Variants in ZNF195 observed in about 807,000 individuals in gnomAD.
The protein encoded by ZNF195 is hypoxia-regulated factor-1.
Under a neutral mutation model 19.5 loss-of-function variants are expected in ZNF195, and 11 were observed. That is an observed-to-expected ratio of 0.57 (90% CI 0.36 to 0.94). The LOEUF is 0.94. ZNF195 is among the 40% of genes least tolerant of loss of function. The pLI is 0.01. For synonymous variants in ZNF195, 214 were observed against 248.1 expected (o/e 0.86, Z 1.29); for missense variants, 582 against 709.0 (o/e 0.82, Z 2.03).
intron 4 of ZNF195, among the ~76,000 whole-genome samples, chr11:3,361,066 C>T (rs1361811398): frequency 6.6e-6 from 1 of 152,174 alleles, no homozygotes; most frequent in Non-Finnish European, 1.5e-5. Context: ...ATACCCATGA[C>T]AGCGGTAGGA....
At chr11:3,378,994 TC>T in intron 1 of ZNF195, 43 bp downstream of exon 1, 1 of 1,384,640 alleles carries the variant, frequency 7.2e-7, no homozygotes. Context: ...CGGGTTCCAG[TC>T]CGCCCCTCCC....
chr11:3,363,539 G>A (rs1006207933), intron 3 of ZNF195: 1 of 152,176 alleles, frequency 6.6e-6, no homozygotes, highest in African/African-American at 2.4e-5. Flanking sequence ...ACACATTTGA[G>A]CATGCTCTTG....
intron 5 of ZNF195, 70 bp from the exon 6 acceptor site, chr11:3,360,635 A>G: frequency 6.4e-7 from 1 of 1,553,650 alleles, no homozygotes; most frequent in Non-Finnish European, 8.7e-7. Flanking sequence ...TCTAATCTAT[A>G]AAATAATACT....
At chr11:3,371,192 T>G (rs1849191856) in intron 2 of ZNF195, 122 bp from the exon 3 acceptor site, 3 of 904,180 alleles carry the variant, frequency 3.3e-6, no homozygotes, top group Non-Finnish European at 4.9e-6. Flanking sequence ...AAATTATGCT[T>G]CCTGACATCA....
In ZNF195 at chr11:3,371,581, G is replaced by A. The variant is rs72848292; in HGVS notation, c.126C>T (p.Ser42=). 0.028 allele frequency: 45,874 copies of A among 1,613,982 alleles called. 845 individuals carry two copies. The highest frequency in any genetic ancestry group is 0.034 in the Non-Finnish European group (39,606 of 1,179,902). ...ACGTATTGAAGTTATCCTCACCAAC[G>A]GAGAACAAGTTTCTGTAGTTCTCCA... is the stretch of plus-strand genomic sequence containing the variant. The part of the protein sequence containing the change: ...VMLENYRNLF[S]VGLTVCKPGL... Residue 42 remains serine, a synonymous_variant, in exon 2 of 6, where the codon TCC becomes TCT. Coordinates refer to ENST00000399602, the MANE Select transcript of ZNF195 (RefSeq NM_001130520.3).
chr11:3,368,855 C>A, intron 3 of ZNF195: 1 of 455,596 alleles, frequency 2.2e-6, no homozygotes, highest in South Asian at 1.6e-5. Flanking sequence ...AACACTTGGT[C>A]CTGGAGAAAC....
chr11:3,373,641 T>G, intron 1 of ZNF195: 1 of 1,548,592 alleles, frequency 6.5e-7, no homozygotes. Context: ...GGAAAGATTC[T>G]CTGGACAAAT....
At chr11:3,370,354 T>C (rs1849140952) in intron 3 of ZNF195, among the ~76,000 whole-genome samples, 1 of 152,102 alleles carries the variant, frequency 6.6e-6, no homozygotes, top group African/African-American at 2.4e-5. Flanking sequence ...GAATATAAAG[T>C]TTAAATGACC....
intron 1 of ZNF195, 25 bp from the exon 2 acceptor site, chr11:3,371,728 C>T (rs757138037): frequency 1.3e-6 from 2 of 1,575,476 alleles, no homozygotes; most frequent in Non-Finnish European, 1.7e-6. Context: ...ACAACAATAA[C>T]AAATACTTGA....
chr11:3,379,060 C>G lies in ZNF195; in HGVS notation c.-20G>C. ...CACCATCTCCTGGCCTCCAGAGAGC[C>G]TGGCGTTTCACTTCTGGATCTCCCG... On this transcript the variant is annotated 5_prime_UTR_variant, in exon 1 of 6. Transcript: ENST00000399602. 6.7e-7 allele frequency: 1 copy of G among 1,497,846 alleles called. No individual in the cohort carries two copies. The highest frequency in any genetic ancestry group is 1.4e-5 in the African/African-American group (1 of 71,110). The allele number at this position is 1,497,846 out of a possible 1,614,324, so 92.8% of individuals were successfully genotyped here.
At chr11:3,367,137 T>C (rs575748345) in intron 3 of ZNF195, 1 of 318,264 alleles carries the variant, frequency 3.1e-6, no homozygotes, top group East Asian at 8.4e-5. Flanking sequence ...ATCCCATTTC[T>C]AGATCTATAT....
chr11:3,369,122 A>G, intron 3 of ZNF195: 1 of 280,854 alleles, frequency 3.6e-6, no homozygotes. Context: ...ACTTTTGGAT[A>G]CTAGGATGGC....
In ZNF195 at chr11:3,359,910, G is replaced by A. The variant is rs752003440; in HGVS notation, c.1098C>T (p.Cys366=). The A allele has an allele frequency of 6.2e-7, 1 of 1,614,168 alleles. No homozygotes were observed. Among genetic ancestry groups the A allele is most frequent in the South Asian group, 1.1e-5 (1 of 91,080 alleles). ...TCATCTGTTGATTAGAAAGGCTTGA[G>A]CAAGAGATAAAGACACTGCTGCACT... ...YEECSSVFIS[C]SSLSNQQMIL... Residue 366 remains cysteine (C), a synonymous_variant, in exon 6 of 6, where the codon TGC becomes TGT. Coordinates refer to ENST00000399602, the MANE Select transcript of ZNF195 (RefSeq NM_001130520.3). The surrounding 1 kb of genome is among the most constrained non-coding windows in gnomAD (Gnocchi z 5.5).
chr11:3,367,755 GAAGA>G (rs1412481728), intron 3 of ZNF195, among the ~76,000 whole-genome samples: 1 of 152,040 alleles, frequency 6.6e-6, no homozygotes, highest in Non-Finnish European at 1.5e-5. Context: ...TATACAGGTT[GAAGA>G]AATAGGATAA....
At chr11:3,374,562 C>T (rs371507153) in intron 1 of ZNF195, among the ~76,000 whole-genome samples, 2 of 152,208 alleles carry the variant, frequency 1.3e-5, no homozygotes, top group East Asian at 1.9e-4. Flanking sequence ...TAAGCAGGCA[C>T]GGGGTGCTCG....
At chr11:3,364,497 G>A (rs1006048893) in intron 3 of ZNF195, among the ~76,000 whole-genome samples, 1 of 151,820 alleles carries the variant, frequency 6.6e-6, no homozygotes, top group African/African-American at 2.4e-5. Context: ...ATAAATCTTT[G>A]CTACCAGACA....
chr11:3,358,333 T>G lies in ZNF195; in HGVS notation c.*785A>C, dbSNP rs530436512. Reference sequence around the variant, plus strand: ...GGTGACCCTAACAGAAGAGTATTATTCTAAACACCTATCTCATAAATCACT... The same window carrying G: ...GGTGACCCTAACAGAAGAGTATTATGCTAAACACCTATCTCATAAATCACT... On this transcript the variant is annotated 3_prime_UTR_variant, in exon 6 of 6. Transcript: ENST00000399602. 6.6e-6 allele frequency: 1 copy of G among 152,166 alleles called. No homozygotes were observed. Among genetic ancestry groups the G allele is most frequent in the Non-Finnish European group, 1.5e-5 (1 of 67,988 alleles). The allele number at this position is 152,166 out of a possible 1,614,324, so 9.4% of individuals were successfully genotyped here. A position where few individuals can be genotyped will look rare whatever the true frequency, so the allele number is the denominator to read the frequency against.
chr11:3,368,702 G>A (rs1319637820), intron 3 of ZNF195: 1 of 333,494 alleles, frequency 3.0e-6, no homozygotes, highest in Non-Finnish European at 6.1e-6. Context: ...GTAAGAACAG[G>A]ATGGTATGCG....
intron 5 of ZNF195, 68 bp from the exon 6 acceptor site, chr11:3,360,633 A>G: frequency 1.9e-6 from 3 of 1,553,646 alleles, no homozygotes; most frequent in Non-Finnish European, 2.6e-6. Flanking sequence ...AATCTAATCT[A>G]TAAAATAATA....
Sources: allele counts gnomAD v4.1 joint callset (sites outside exome capture counted in the v4.1 genomes callset), GRCh38; gene constraint gnomAD v4.1.1; non-coding constraint Gnocchi (gnomAD v3.1); transcripts MANE v1.5; gene names NCBI Gene and HGNC (gene_info 2026-07-23, HGNC 2026-07-21).